Variants in TPM4 observed in about 807,000 individuals in gnomAD.
The protein encoded by TPM4 is tropomyosin alpha-4 chain.
TPM4 carries 17 observed loss-of-function variants against 35.8 expected under a neutral mutation model. That is an observed-to-expected ratio of 0.47 (90% confidence interval 0.32 to 0.71). The LOEUF (loss-of-function observed/expected upper bound fraction) is 0.71, where lower values mean the gene tolerates loss of function less well. TPM4 is among the 30% of genes least tolerant of loss of function. The pLI, the probability that TPM4 is intolerant of heterozygous loss-of-function variation, is 0.03. For missense variants in TPM4, 240 were observed against 320.9 expected (o/e 0.75, Z 1.93); for synonymous variants, 120 against 122.9 (o/e 0.98, Z 0.15).
At chr19:16,081,267 A>G (rs1425240038) in intron 1 of TPM4, 8 of 392,628 alleles carry the variant, frequency 2.0e-5, no homozygotes, top group Admixed American at 8.9e-5. Context: ...AGAAGAGCCT[A>G]TCTTAGATCT....
rs149273433 is a variant in TPM4 at position 16,088,838 on chromosome 19, C to T, written c.456-207C>T. ...CTCCAAATACTCTTCGGGCGCACCT[C>T]GCCTCTGCCTGGTATGATAAGCCTT... On this transcript the variant is annotated intron_variant, in intron 4 of 7. Coordinates refer to ENST00000643579, the MANE Select transcript of TPM4 (RefSeq NM_003290.3). 3.1e-4 allele frequency: 421 copies of T among 1,359,680 alleles called. 2 individuals are homozygous for T. The East Asian group carries it at 7.9e-3, about 25-fold the overall frequency. The allele number at this position is 1,359,680 out of a possible 1,614,324, so 84.2% of individuals were successfully genotyped here. A position where few individuals can be genotyped will look rare whatever the true frequency, so the allele number is the denominator to read the frequency against.
upstream of TPM4, chr19:16,076,160 G>A (rs567023522): frequency 3.8e-5 from 59 of 1,559,962 alleles, no homozygotes; most frequent in South Asian, 6.4e-4. Flanking sequence ...TCACGGAGAA[G>A]AAGGCCTCCG....
intron 2 of TPM4, among the ~76,000 whole-genome samples, chr19:16,085,975 A>G (rs967086658): frequency 6.7e-6 from 1 of 149,784 alleles, no homozygotes; most frequent in Admixed American, 6.7e-5. Context: ...AGGCTGAGAC[A>G]GGAGAATTGC....
rs543365496 is a variant in TPM4, at chr19:16,078,075, A to G, written c.132+1378A>G. ...AGCGTGAGCCACGGCGCCCAGCCTCAATTGTGTTTTCTCTGCCCTGGGAAG... is the reference window on the plus strand; with the variant it reads ...AGCGTGAGCCACGGCGCCCAGCCTCGATTGTGTTTTCTCTGCCCTGGGAAG... On this transcript the variant is annotated intron_variant, in intron 1 of 7. Coordinates refer to ENST00000643579, the MANE Select transcript of TPM4 (RefSeq NM_003290.3). The G allele has an allele frequency of 4.7e-3, 1,859 of 398,342 alleles. 8 individuals carry two copies. The highest frequency in any genetic ancestry group is 6.3e-3 in the Non-Finnish European group (1,420 of 225,960). 24.7% of individuals were successfully genotyped at this position (398,342 alleles called of 1,614,324 possible). A position where few individuals can be genotyped will look rare whatever the true frequency, so the allele number is the denominator to read the frequency against.
intron 7 of TPM4, among the ~76,000 whole-genome samples, chr19:16,095,096 G>GT (rs2090677927): frequency 6.6e-6 from 1 of 152,168 alleles, no homozygotes; most frequent in African/African-American, 2.4e-5. Context: ...TAGATCTTTG[G>GT]TTTTCTTCAT....
At chr19:16,071,663 T>C (rs915870225), upstream of TPM4, among the ~76,000 whole-genome samples, 4 of 152,192 alleles carry the variant, frequency 2.6e-5, no homozygotes, top group African/African-American at 9.7e-5. Flanking sequence ...CCAGTCCTGC[T>C]GGGGAATAGA....
rs1394815771 is a variant in TPM4, at chr19:16,070,108, A to G, written c.114+2370A>G. On this transcript the variant is annotated intron_variant, in intron 2 of 2. Coordinates refer to the TPM4 transcript ENST00000589897. This position sits in a 1 kb window ranked among gnomAD's most constrained non-coding sequence, Gnocchi z 7.4. The stretch of plus-strand genomic sequence containing the variant: ...AGTGAGTCTGAGAATCTCATTGTGT[A>G]TGTGGGGGTGTCCCTGCTAAAAGCC... 6.6e-6 allele frequency among the ~76,000 whole-genome samples: 1 copy of G among 151,974 alleles called. No individual in the cohort carries two copies. The highest frequency in any genetic ancestry group is 1.5e-5 in the Non-Finnish European group (1 of 67,978).
At chr19:16,069,227 GT>G (rs2090327350) in intron 2 of TPM4, among the ~76,000 whole-genome samples, 1 of 152,008 alleles carries the variant, frequency 6.6e-6, no homozygotes, top group Non-Finnish European at 1.5e-5. Flanking sequence ...GTGTGTGCAT[GT>G]TTAGATGAGT....
chr19:16,088,839 G>A (rs1056307823), intron 4 of TPM4: 101 of 1,357,366 alleles, frequency 7.4e-5, no homozygotes, highest in Non-Finnish European at 8.7e-5. Context: ...GGCGCACCTC[G>A]CCTCTGCCTG....
At chr19:16,083,120 A>G (rs1317124204) in intron 2 of TPM4, among the ~76,000 whole-genome samples, 1 of 152,048 alleles carries the variant, frequency 6.6e-6, no homozygotes, top group Non-Finnish European at 1.5e-5. Flanking sequence ...TTTCAGGGAC[A>G]GTTGCAAACC....
intron 1 of TPM4, among the ~76,000 whole-genome samples, chr19:16,079,166 C>CAGATT (rs1365184901): frequency 1.3e-5 from 2 of 152,162 alleles, no homozygotes; most frequent in Non-Finnish European, 2.9e-5. Context: ...CTGCCAAAAG[C>CAGATT]GTTGTTTGCC....
chr19:16,081,108 C>T lies in TPM4; in HGVS notation c.133-805C>T, dbSNP rs1344580821. On this transcript the variant is annotated intron_variant, in intron 1 of 7. Transcript: ENST00000643579. The stretch of plus-strand genomic sequence containing the variant: ...CATGGCCAACATTTAACTGAGGGCT[C>T]CATAGTCTTGCATTTATCTTGCCAT... The T allele has an allele frequency of 1.0e-5, 4 of 398,392 alleles. No individual in the cohort carries two copies. In the Admixed American group the frequency reaches 1.3e-4, roughly 13 times the overall value. 24.7% of individuals were successfully genotyped at this position (398,392 alleles called of 1,614,324 possible). A position where few individuals can be genotyped will look rare whatever the true frequency, so the allele number is the denominator to read the frequency against.
At chr19:16,078,438 A>G (rs2090439624) in intron 1 of TPM4, among the ~76,000 whole-genome samples, 1 of 152,314 alleles carries the variant, frequency 6.6e-6, no homozygotes, top group East Asian at 1.9e-4. Flanking sequence ...CCAGGACTGG[A>G]AAGAGCCCAG....
chr19:16,073,677 GC>G (rs1444017511), upstream of TPM4, among the ~76,000 whole-genome samples: 1 of 152,008 alleles, frequency 6.6e-6, no homozygotes, highest in Non-Finnish European at 1.5e-5. Context: ...AGACAGGATA[GC>G]CCTCCCTGCT....
rs745459912 is a variant in TPM4 at position 16,076,543 on chromosome 19, G to GTGCGCCTC, written c.-14_-7dup. 5.0e-3 allele frequency: 7,147 copies of GTGCGCCTC among 1,437,892 alleles called. 33 individuals carry two copies. The highest frequency in any genetic ancestry group is 6.1e-3 in the Admixed American group (226 of 36,976). The allele number at this position is 1,437,892 out of a possible 1,614,324, so 89.1% of individuals were successfully genotyped here. A position where few individuals can be genotyped will look rare whatever the true frequency, so the allele number is the denominator to read the frequency against. Reference sequence around the variant, plus strand: ...CCCAGCCGAGCGTCCGCCGCTGCCCGTGCGCCTCTGCGCCTCCGCGCCATG... The same window carrying GTGCGCCTC: ...CCCAGCCGAGCGTCCGCCGCTGCCCGTGCGCCTCTGCGCCTCTGCGCCTCCGCGCCATG... On this transcript the variant is annotated 5_prime_UTR_variant, in exon 1 of 8. Coordinates refer to ENST00000643579, the MANE Select transcript of TPM4 (RefSeq NM_003290.3).
At chr19:16,073,390 G>A (rs1043948847), upstream of TPM4, among the ~76,000 whole-genome samples, 1 of 152,188 alleles carries the variant, frequency 6.6e-6, no homozygotes, top group Non-Finnish European at 1.5e-5. Context: ...ACGTCTTTAA[G>A]GAAACTGGCT....
At chr19:16,068,169 C>CGTGTGTGT (rs35984570) in intron 2 of TPM4, among the ~76,000 whole-genome samples, 3 of 148,584 alleles carry the variant, frequency 2.0e-5, no homozygotes, top group Admixed American at 1.3e-4. Context: ...TGCATGTGTG[C>CGTGTGTGT]GTGTGTGTGT....
Position 16,082,037 on chromosome 19 carries a change from A to G in TPM4, c.257A>G (p.Glu86Gly). ...KLEEAEKAADESERGMKVIEN... is the reference protein window; with the variant it reads ...KLEEAEKAADGSERGMKVIEN... ...GAGGAGGCAGAAAAAGCTGCAGATG[A>G]GAGTGAGAGGTAAGGACGCTTTGAA... is the stretch of plus-strand genomic sequence containing the variant. Residue 86 changes from glutamate to glycine, a missense_variant, in exon 2 of 8, where the codon GAG becomes GGG. Physicochemically the swap from Glu to Gly is moderately conservative, Grantham distance 98 (BLOSUM62 -2). Transcript: ENST00000643579. 1 of 1,607,940 alleles carries G rather than the reference A, an allele frequency of 6.2e-7. No homozygotes were observed. Among genetic ancestry groups the G allele is most frequent in the Non-Finnish European group, 8.5e-7 (1 of 1,174,974 alleles).
upstream of TPM4, among the ~76,000 whole-genome samples, chr19:16,071,824 C>T (rs531454492): frequency 1.3e-5 from 2 of 152,208 alleles, no homozygotes; most frequent in Non-Finnish European, 2.9e-5. Context: ...TGCCCACTCC[C>T]CTCCCAGGGC....
Sources: gnomAD v4.1 joint callset for allele counts (sites outside exome capture counted in the v4.1 genomes callset) on GRCh38, gnomAD v4.1.1 for gene constraint, Gnocchi (gnomAD v3.1) non-coding constraint, MANE v1.5 for transcripts, NCBI Gene and HGNC (gene_info 2026-07-23, HGNC 2026-07-21) for gene names.